CTTNBP2: variants seen among roughly 807,000 people sequenced by gnomAD.
The protein encoded by CTTNBP2 is cortactin-binding protein 2.
CTTNBP2 carries 108 observed loss-of-function variants against 156.9 expected under a neutral mutation model. The ratio of observed to expected loss-of-function variants is 0.69; its 90% CI spans 0.59 to 0.81. The LOEUF (loss-of-function observed/expected upper bound fraction) is 0.81, where lower values mean the gene tolerates loss of function less well. Ranked by LOEUF, CTTNBP2 falls within the 30% of genes least tolerant of loss-of-function variation. The probability of loss-of-function intolerance (pLI) is 0.00; values close to 1 mark genes in which losing one functional copy is unlikely to be tolerated. For missense variants in CTTNBP2, 1,924 were observed against 2,035.4 expected (o/e 0.95, Z 1.05); for synonymous variants, 767 against 751.8 (o/e 1.02, Z -0.33).
At position 117,734,949 on chromosome 7, in the gene CTTNBP2, C is replaced by T. The variant is rs774639892; in HGVS notation, c.3840G>A (p.Leu1280=). 3.1e-6 allele frequency: 5 copies of T among 1,611,238 alleles called. No homozygotes were observed. Among genetic ancestry groups the T allele is most frequent in the African/African-American group, 1.3e-5 (1 of 74,848 alleles). ...CTTTCCTTCGTAAGAACCTCTGCAG[C>T]AGTCCTTGCATGGGCTCGCCATCCC... is the stretch of plus-strand genomic sequence containing the variant. The part of the protein sequence containing the change: ...LRWDGEPMQG[L]LQRFLRRKVV... Residue 1280 remains leucine, a synonymous_variant, in exon 16 of 23, where the codon CTG becomes CTA. Coordinates refer to ENST00000160373, the MANE Select transcript of CTTNBP2 (RefSeq NM_033427.3).
intron 2 of CTTNBP2, among the ~76,000 whole-genome samples, chr7:117,820,877 GA>G (rs569890464): frequency 1.3e-5 from 2 of 152,216 alleles, no homozygotes. Context: ...AAAGTCTCCT[GA>G]AATTTTAATT....
chr7:117,797,099 A>G (rs1457067197), intron 3 of CTTNBP2, among the ~76,000 whole-genome samples: 1 of 152,188 alleles, frequency 6.6e-6, no homozygotes, highest in Non-Finnish European at 1.5e-5. Flanking sequence ...TAGCACTGGC[A>G]GCTGAAACTC....
chr7:117,790,195 A>G (rs1798913787), intron 4 of CTTNBP2, among the ~76,000 whole-genome samples: 1 of 152,172 alleles, frequency 6.6e-6, no homozygotes, highest in South Asian at 2.1e-4. Flanking sequence ...CCACATTTTG[A>G]GGGGTAAAAT....
chr7:117,819,505 G>C (rs1244171129), intron 2 of CTTNBP2, among the ~76,000 whole-genome samples: 2 of 151,886 alleles, frequency 1.3e-5, no homozygotes, highest in African/African-American at 4.8e-5. Context: ...GCCCTTCAAT[G>C]ATCAGAAAGC....
chr7:117,735,245 G>A (rs761243596), intron 15 of CTTNBP2, 24 bp downstream of exon 15: 1 of 1,608,182 alleles, frequency 6.2e-7, no homozygotes, highest in Non-Finnish European at 8.5e-7. Flanking sequence ...TTGCTTCTCA[G>A]CATGGTCCCT....
At chr7:117,751,253 G>A (rs1263857048) in intron 12 of CTTNBP2, among the ~76,000 whole-genome samples, 1 of 152,184 alleles carries the variant, frequency 6.6e-6, no homozygotes, top group African/African-American at 2.4e-5. Flanking sequence ...GCAGAGCGGT[G>A]GCATTTTAAA....
intron 2 of CTTNBP2, among the ~76,000 whole-genome samples, chr7:117,854,505 G>A (rs975048011): frequency 6.6e-6 from 1 of 152,160 alleles, no homozygotes; most frequent in African/African-American, 2.4e-5. Flanking sequence ...TTTGTTCTAT[G>A]TCAAGATTCT....
At chr7:117,833,961 C>T (rs1383738224) in intron 2 of CTTNBP2, among the ~76,000 whole-genome samples, 1 of 152,052 alleles carries the variant, frequency 6.6e-6, no homozygotes, top group Admixed American at 6.5e-5. Flanking sequence ...TACTCACAGT[C>T]CTTTAAAAAA....
intron 10 of CTTNBP2, among the ~76,000 whole-genome samples, chr7:117,758,476 T>C (rs933586357): frequency 6.6e-6 from 1 of 152,046 alleles, no homozygotes; most frequent in Admixed American, 6.6e-5. Flanking sequence ...TTGCGGGCCC[T>C]CTGCTCACTC....
rs186283735 is a variant in CTTNBP2, at chr7:117,818,005, A to G, written c.190-7016T>C. On this transcript the variant is annotated intron_variant, in intron 2 of 22. Coordinates refer to ENST00000160373, the MANE Select transcript of CTTNBP2 (RefSeq NM_033427.3). ...TGACTAGAGTATTTTGGAACACTAG[A>G]AAAGGCTTCAAAAATAATTACTGTT... Among the ~76,000 whole-genome samples the G allele has an allele frequency of 1.2e-3, 183 of 152,330 alleles. 2 individuals are homozygous for G. Among genetic ancestry groups the G allele is most frequent in the African/African-American group, 4.0e-3 (168 of 41,568 alleles).
intron 8 of CTTNBP2, among the ~76,000 whole-genome samples, chr7:117,770,194 A>C (rs1319222788): frequency 6.6e-6 from 1 of 152,226 alleles, no homozygotes; most frequent in African/African-American, 2.4e-5. Context: ...TTCAGATTAC[A>C]AACAGAAATG....
chr7:117,837,010 ATGT>A (rs958560339), intron 2 of CTTNBP2, among the ~76,000 whole-genome samples: 1 of 152,174 alleles, frequency 6.6e-6, no homozygotes, highest in East Asian at 1.9e-4. Context: ...AATTCTACCA[ATGT>A]TGTACTTTTC....
chr7:117,784,598 T>A, intron 4 of CTTNBP2, 144 bp from the exon 5 acceptor site: 1 of 536,712 alleles, frequency 1.9e-6, no homozygotes, highest in Non-Finnish European at 3.2e-6. Context: ...ATCAATCTGT[T>A]AATATTTACT....
At chr7:117,817,962 A>T (rs1800720139) in intron 2 of CTTNBP2, among the ~76,000 whole-genome samples, 1 of 152,232 alleles carries the variant, frequency 6.6e-6, no homozygotes, top group South Asian at 2.1e-4. Flanking sequence ...TACATTTTTA[A>T]GCATGGAAAG....
intron 2 of CTTNBP2, among the ~76,000 whole-genome samples, chr7:117,856,522 C>T (rs10236801): frequency 5.3e-5 from 8 of 152,112 alleles, no homozygotes; most frequent in African/African-American, 1.9e-4. Flanking sequence ...TGATAGTTTC[C>T]TATGTTATTG....
Position 117,810,896 on chromosome 7 carries a change from C to T in CTTNBP2, c.283G>A (p.Ala95Thr). The T allele has an allele frequency of 1.2e-6, 2 of 1,614,086 alleles. No homozygotes were observed. Among genetic ancestry groups the T allele is most frequent in the Non-Finnish European group, 1.7e-6 (2 of 1,179,988 alleles). The change falls in exon 3 of 23, where the codon GCT becomes ACT. Residue 95 changes from alanine (A) to threonine (T), a missense_variant. By Grantham distance (58) the Ala-to-Thr change is moderately conservative. Coordinates refer to ENST00000160373, the MANE Select transcript of CTTNBP2 (RefSeq NM_033427.3). The stretch of plus-strand genomic sequence containing the variant: ...ACTGGCTTCTTCTCTTTGTCACCAG[C>T]ACCTGCTTCATAGTCTCTCTGGAGT... ...LALQRDYEAG[A>T]GDKEKKPVCT...
At chr7:117,809,817 CATATGAG>C (rs1437055061) in intron 3 of CTTNBP2, among the ~76,000 whole-genome samples, 80 of 152,250 alleles carry the variant, frequency 5.3e-4, no homozygotes, top group South Asian at 6.2e-4. Flanking sequence ...CTAGGTGTTA[CATATGAG>C]ATATCAGAAG....
intron 8 of CTTNBP2, among the ~76,000 whole-genome samples, chr7:117,776,135 C>A (rs1217512997): frequency 6.6e-6 from 1 of 152,176 alleles, no homozygotes; most frequent in Non-Finnish European, 1.5e-5. Flanking sequence ...TCTTCTTGAT[C>A]AAAATGATGT....
chr7:117,771,396 G>A (rs1277820928), intron 8 of CTTNBP2, among the ~76,000 whole-genome samples: 2 of 152,214 alleles, frequency 1.3e-5, no homozygotes, highest in African/African-American at 4.8e-5. Flanking sequence ...CTGCTTTACA[G>A]GGCTGGGGAG....
Sources: allele counts gnomAD v4.1 joint callset (sites outside exome capture counted in the v4.1 genomes callset), GRCh38; gene constraint gnomAD v4.1.1; transcripts MANE v1.5; gene names NCBI Gene and HGNC (gene_info 2026-07-23, HGNC 2026-07-21).